Variants in CDK14 observed in about 807,000 individuals in gnomAD.
CDK14 encodes the protein cyclin-dependent kinase 14.
Under a neutral mutation model 60.7 loss-of-function variants are expected in CDK14, and 34 were observed. The observed-to-expected ratio is 0.56, with a 90% CI of 0.43 to 0.75. The LOEUF is 0.75. CDK14 is among the 30% of genes least tolerant of loss of function. CDK14 has a pLI of 0.00. For missense variants in CDK14, 482 were observed against 564.1 expected (o/e 0.85, Z 1.47); for synonymous variants, 197 against 203.7 (o/e 0.97, Z 0.28).
chr7:91,058,871 T>C (rs1338488358), intron 11 of CDK14, among the ~76,000 whole-genome samples: 1 of 152,232 alleles, frequency 6.6e-6, no homozygotes, highest in African/African-American at 2.4e-5. Context: ...TTCTCTTTTT[T>C]TGTTGTGTCT....
At chr7:90,655,355 T>G (rs1302881404) in intron 2 of CDK14, among the ~76,000 whole-genome samples, 1 of 152,122 alleles carries the variant, frequency 6.6e-6, no homozygotes, top group Non-Finnish European at 1.5e-5. Context: ...AATTTTGTAC[T>G]GGTGTCCCAG....
intron 2 of CDK14, among the ~76,000 whole-genome samples, chr7:90,721,659 C>T (rs1802459642): frequency 6.6e-6 from 1 of 152,108 alleles, no homozygotes; most frequent in African/African-American, 2.4e-5. Context: ...TACTGGAGAA[C>T]TGGAACATAG....
intron 2 of CDK14, among the ~76,000 whole-genome samples, chr7:90,697,630 T>C (rs1355511590): frequency 1.3e-5 from 2 of 152,208 alleles, no homozygotes; most frequent in African/African-American, 4.8e-5. Flanking sequence ...TCTATAAACC[T>C]AGAAGTAATT....
intron 3 of CDK14, among the ~76,000 whole-genome samples, chr7:90,747,224 A>T (rs1803630328): frequency 6.6e-6 from 1 of 152,202 alleles, no homozygotes; most frequent in Non-Finnish European, 1.5e-5. Flanking sequence ...AACTTATGGG[A>T]TATACAAAAA....
At chr7:91,155,663 C>T (rs184327340) in intron 14 of CDK14, among the ~76,000 whole-genome samples, 275 of 152,256 alleles carry the variant, frequency 1.8e-3, no homozygotes, top group African/African-American at 6.5e-3. Flanking sequence ...AACAAAAATA[C>T]TAGAAAATAA....
chr7:90,812,146 T>A lies in CDK14; in HGVS notation c.544+21494T>A, dbSNP rs1789147218. The stretch of plus-strand genomic sequence containing the variant: ...ATACCCAAAGGATTATAAAACATGC[T>A]GTTATAAAGACACATGCCCATGTAT... On this transcript the variant is annotated intron_variant, in intron 5 of 14. Transcript: ENST00000380050. Among the ~76,000 whole-genome samples the A allele has an allele frequency of 4.6e-5, 7 of 152,346 alleles. No individual in the cohort carries two copies. The South Asian group carries it at 1.4e-3, about 32-fold the overall frequency.
intron 3 of CDK14, among the ~76,000 whole-genome samples, chr7:90,744,851 C>T (rs1487363591): frequency 7.5e-6 from 1 of 133,446 alleles, no homozygotes; most frequent in Admixed American, 7.3e-5. Flanking sequence ...CGGGGGCTGA[C>T]CCCCCCACCT....
At chr7:90,905,287 A>G (rs1218144307) in intron 7 of CDK14, among the ~76,000 whole-genome samples, 5 of 152,220 alleles carry the variant, frequency 3.3e-5, no homozygotes, top group Non-Finnish European at 7.3e-5. Flanking sequence ...AAATGTGTTT[A>G]AGTGGACTTA....
intron 6 of CDK14, among the ~76,000 whole-genome samples, chr7:90,873,304 A>G: frequency 6.6e-6 from 1 of 152,194 alleles, no homozygotes; most frequent in Non-Finnish European, 1.5e-5. Context: ...AAGTCTGAAT[A>G]GGTCATTAAG....
chr7:90,752,261 C>T (rs1364477522), intron 4 of CDK14, among the ~76,000 whole-genome samples: 1 of 150,208 alleles, frequency 6.7e-6, no homozygotes, highest in East Asian at 1.9e-4. Context: ...ACCACATGCT[C>T]AGTCATAAAG....
chr7:90,625,200 C>T (rs112131701), intron 2 of CDK14, among the ~76,000 whole-genome samples: 4 of 152,162 alleles, frequency 2.6e-5, no homozygotes, highest in Admixed American at 6.5e-5. Context: ...CCTGGCCAGG[C>T]GTGGTGACAC....
chr7:90,795,580 A>G (rs1011571844), intron 5 of CDK14, among the ~76,000 whole-genome samples: 8 of 152,080 alleles, frequency 5.3e-5, no homozygotes, highest in Admixed American at 4.6e-4. Flanking sequence ...AATATTTGTT[A>G]TATAAAGAGG....
intron 10 of CDK14, among the ~76,000 whole-genome samples, chr7:91,015,476 G>T (rs1252038315): frequency 1.4e-5 from 2 of 147,724 alleles, no homozygotes; most frequent in Non-Finnish European, 3.0e-5. Flanking sequence ...TCTTCCCAAT[G>T]AATAGGTTTG....
intron 5 of CDK14, among the ~76,000 whole-genome samples, chr7:90,847,617 A>T (rs1418854457): frequency 6.6e-6 from 1 of 152,140 alleles, no homozygotes; most frequent in Admixed American, 6.5e-5. Context: ...TTCCCCATAG[A>T]CATGTTACAA....
chr7:90,640,819 A>G (rs535867690), intron 2 of CDK14, among the ~76,000 whole-genome samples: 1 of 152,240 alleles, frequency 6.6e-6, no homozygotes, highest in East Asian at 1.9e-4. Context: ...AAATGTATCC[A>G]GAGAAATAAA....
intron 8 of CDK14, among the ~76,000 whole-genome samples, chr7:90,949,615 A>G (rs918400909): frequency 6.6e-6 from 1 of 152,220 alleles, no homozygotes. Context: ...ATATTACCTT[A>G]ACATGTTTCA....
chr7:90,659,159 C>A (rs994175624), intron 2 of CDK14, among the ~76,000 whole-genome samples: 2 of 152,146 alleles, frequency 1.3e-5, no homozygotes, highest in East Asian at 1.9e-4. Context: ...AAAACCTATA[C>A]GTTGGTTGGT....
intron 5 of CDK14, among the ~76,000 whole-genome samples, chr7:90,826,967 T>TTATC (rs71104493): frequency 0.93 from 141,170 of 151,940 alleles, 65,758 homozygotes; most frequent in East Asian, 1. Flanking sequence ...CATGATGTAT[T>TTATC]TACATATCTA....
At chr7:91,164,977 T>C (rs1474974836) in intron 14 of CDK14, among the ~76,000 whole-genome samples, 1 of 152,144 alleles carries the variant, frequency 6.6e-6, no homozygotes, top group African/African-American at 2.4e-5. Context: ...GTGAAGGAGA[T>C]ATTTTTGTTT....
Sources: allele counts gnomAD v4.1 joint callset (sites outside exome capture counted in the v4.1 genomes callset), GRCh38; gene constraint gnomAD v4.1.1; transcripts MANE v1.5; gene names NCBI Gene and HGNC (gene_info 2026-07-23, HGNC 2026-07-21).